Variants in PTBP1 observed in about 807,000 individuals in gnomAD.
PTBP1 encodes polypyrimidine tract binding protein 1.
PTBP1 carries 8 observed loss-of-function variants against 59.8 expected under a neutral mutation model. The observed-to-expected ratio is 0.13, with a 90% CI of 0.08 to 0.24. The LOEUF (loss-of-function observed/expected upper bound fraction) is 0.24, where lower values mean the gene tolerates loss of function less well. PTBP1 is among the 10% of genes least tolerant of loss of function. The probability of loss-of-function intolerance (pLI) is 1.00; values close to 1 mark genes in which losing one functional copy is unlikely to be tolerated. For synonymous variants in PTBP1, 490 were observed against 320.7 expected, an observed-to-expected ratio of 1.53 and a Z score of -5.64; for missense variants, 686 against 767.0, an observed-to-expected ratio of 0.89 and a Z score of 1.25.
At position 806,555 on chromosome 19, in the gene PTBP1, A is replaced by C; in HGVS notation, c.1118A>C (p.Glu373Ala). The C allele has an allele frequency of 6.6e-7, 1 of 1,511,434 alleles. No homozygotes were observed. The allele number at this position is 1,511,434 out of a possible 1,614,324, so 93.6% of individuals were successfully genotyped here. A position where few individuals can be genotyped will look rare whatever the true frequency, so the allele number is the denominator to read the frequency against. Residue 373 changes from glutamate to alanine, a missense_variant and splice_region_variant, in exon 10 of 15, where the codon GAG becomes GCG. Transcript: ENST00000356948. ...TTGCTGGTCAGCAACCTCAACCCAGAGGTACGTGGGCTTTTCCTCCGCGCC... is the reference window on the plus strand; with the variant it reads ...TTGCTGGTCAGCAACCTCAACCCAGCGGTACGTGGGCTTTTCCTCCGCGCC... ...SVLLVSNLNP[E>A]RVTPQSLFIL... is the part of the protein sequence containing the mutation.
At chr19:806,264 A>AC (rs2034568446) in intron 9 of PTBP1, 144 bp from the exon 10 acceptor site, 1 of 947,502 alleles carries the variant, frequency 1.1e-6, no homozygotes, top group Admixed American at 3.9e-5. Context: ...GGACGACCCC[A>AC]CAGGCACCCA....
At position 797,465 on chromosome 19, in the gene PTBP1, C is replaced by T; in HGVS notation, c.-33C>T. 1.9e-6 allele frequency: 3 copies of T among 1,598,220 alleles called. No homozygotes were observed. Among genetic ancestry groups the T allele is most frequent in the Non-Finnish European group, 2.6e-6 (3 of 1,175,176 alleles). ...TCGGTTCCTGCTATTCCGGCGCCTC[C>T]ACTCCGTCCCCCGCGGGTCTGCTCT... On this transcript the variant is annotated 5_prime_UTR_variant, in exon 1 of 15. Transcript: ENST00000356948.
At position 808,298 on chromosome 19, in the gene PTBP1, T is replaced by C. The variant is rs1162815373; in HGVS notation, c.1154-62T>C. 7.2e-7 allele frequency: 1 copy of C among 1,380,880 alleles called. No homozygotes were observed. The highest frequency in any genetic ancestry group is 1.0e-6 in the Non-Finnish European group (1 of 993,890). The allele number at this position is 1,380,880 out of a possible 1,614,324, so 85.5% of individuals were successfully genotyped here. On this transcript the variant is annotated intron_variant, in intron 11 of 14. Coordinates refer to ENST00000356948, the MANE Select transcript of PTBP1 (RefSeq NM_002819.5). This position sits in a 1 kb window ranked among gnomAD's most constrained non-coding sequence, Gnocchi z 4.7. The stretch of plus-strand genomic sequence containing the variant: ...TTGTGGGGGTGCGCGGGGCCGGGGC[T>C]GACGGGGAGATGGGCGGGGCAGGCA...
Position 808,629 on chromosome 19 carries a change from C to T in PTBP1, c.1330C>T (p.Arg444Cys), listed in dbSNP as rs766285321. The T allele has an allele frequency of 2.5e-6, 4 of 1,610,982 alleles. No individual in the cohort carries two copies. Among genetic ancestry groups the T allele is most frequent in the African/African-American group, 1.3e-5 (1 of 74,952 alleles). Residue 444 changes from arginine to cysteine, a missense_variant, in exon 13 of 15, where the codon CGC (arginine) becomes TGC (cysteine). Physicochemically the swap from Arg to Cys is radical, Grantham distance 180. Transcript: ENST00000356948. This position sits in a 1 kb window ranked among gnomAD's most constrained non-coding sequence, Gnocchi z 4.7. ...GAAGCACCAGAACGTGCAGCTGCCC[C>T]GCGAGGGCCAGGAGGACCAGGGCCT... ...LSKHQNVQLP[R>C]EGQEDQGLTK...
chr19:808,462 C>CGGGGCGGCCCCGGGGTGGAGGGGGCA lies in PTBP1; in HGVS notation c.1246+18_1246+43dup. 1.9e-6 allele frequency: 3 copies of CGGGGCGGCCCCGGGGTGGAGGGGGCA among 1,582,872 alleles called. No homozygotes were observed. The highest frequency in any genetic ancestry group is 2.6e-6 in the Non-Finnish European group (3 of 1,164,048). On this transcript the variant is annotated intron_variant, in intron 12 of 14. Transcript: ENST00000356948. This position sits in a 1 kb window ranked among gnomAD's most constrained non-coding sequence, Gnocchi z 4.7. ...AACCAGGCCCAGCTGGGTAAGAGGC[C>CGGGGCGGCCCCGGGGTGGAGGGGGCA]GGGGCGGCCCCGGGGTGGAGGGGGC...
rs1371164578 is a variant in PTBP1, at chr19:811,957, G to A, written c.*1131G>A. The A allele has an allele frequency of 6.6e-6, 1 of 152,346 alleles. No homozygotes were observed. The highest frequency in any genetic ancestry group is 2.4e-5 in the African/African-American group (1 of 41,422). The allele number at this position is 152,346 out of a possible 1,614,324, so 9.4% of individuals were successfully genotyped here. ...TCTGTGCTCTTTCTACCGCCCCCGCGTCCTGTCCCGGGGGCTCTCCTAGGA... is the reference window on the plus strand; with the variant it reads ...TCTGTGCTCTTTCTACCGCCCCCGCATCCTGTCCCGGGGGCTCTCCTAGGA... On this transcript the variant is annotated 3_prime_UTR_variant, in exon 15 of 15. Transcript: ENST00000356948.
Position 805,497 on chromosome 19 carries a change from C to T in PTBP1, c.898C>T (p.Pro300Ser), listed in dbSNP as rs2034524983. 6.2e-7 allele frequency: 1 copy of T among 1,613,178 alleles called. No individual in the cohort carries two copies. Among genetic ancestry groups the T allele is most frequent in the South Asian group, 1.1e-5 (1 of 91,070 alleles). Reference protein sequence around the residue: ...DQTMAAAFGAPGIISASPYAG... With the variant: ...DQTMAAAFGASGIISASPYAG... ...AGTGTCTCATTTATTTCTAGGTGCA[C>T]CTGGTATAATCTCAGCCTCTCCGTA... The change falls in exon 9 of 15, where the codon CCT becomes TCT. Residue 300 changes from proline to serine, a missense_variant. By Grantham distance (74) the Pro-to-Ser change is moderately conservative. Coordinates refer to ENST00000356948, the MANE Select transcript of PTBP1 (RefSeq NM_002819.5).
At chr19:805,352 GCCC>G in intron 8 of PTBP1, 137 bp from the exon 9 acceptor site, 1 of 1,185,872 alleles carries the variant, frequency 8.4e-7, no homozygotes, top group South Asian at 1.4e-5. Flanking sequence ...CGGGACCACG[GCCC>G]CCCCTGGAGC....
chr19:806,593 G>A lies in PTBP1; in HGVS notation c.1119+37G>A, dbSNP rs372172032. ...TTTCCTCCGCGCCGCCGTTCCTCCC[G>A]GAAGAGCGAGCAGGGGATGTTGTGC... On this transcript the variant is annotated intron_variant, in intron 10 of 14. Transcript: ENST00000356948. 1.1e-5 allele frequency: 16 copies of A among 1,464,222 alleles called. No individual in the cohort carries two copies. In the African/African-American group the frequency reaches 1.2e-4, roughly 11 times the overall value. 90.7% of individuals were successfully genotyped at this position (1,464,222 alleles called of 1,614,324 possible). A position where few individuals can be genotyped will look rare whatever the true frequency, so the allele number is the denominator to read the frequency against.
chr19:804,337 AACTACT>A lies in PTBP1; in HGVS notation c.337_342del (p.Tyr113_Tyr114del). The A allele has an allele frequency of 6.2e-7, 1 of 1,613,700 alleles. No homozygotes were observed. Among genetic ancestry groups the A allele is most frequent in the Non-Finnish European group, 8.5e-7 (1 of 1,179,992 alleles). On this transcript the variant is annotated inframe_deletion, in exon 5 of 15. Transcript: ENST00000356948. ...GGAGGAGGCTGCCAACACCATGGTG[AACTACT>A]ACACCTCGGTGACCCCTGTGCTGCG...
In PTBP1 at chr19:812,090, T is replaced by A. The variant is rs577486380; in HGVS notation, c.*1264T>A. ...GCGGTTTTTTATGGTGACACAAATG[T>A]ATATTTTGCTAACAGCAATTCCAGG... On this transcript the variant is annotated 3_prime_UTR_variant, in exon 15 of 15. Transcript: ENST00000356948. 1 of 152,318 alleles carries A rather than the reference T, an allele frequency of 6.6e-6. No individual in the cohort carries two copies. Among genetic ancestry groups the A allele is most frequent in the Non-Finnish European group, 1.5e-5 (1 of 68,018 alleles). The allele number at this position is 152,318 out of a possible 1,614,324, so 9.4% of individuals were successfully genotyped here.
intron 9 of PTBP1, 100 bp downstream of exon 9, chr19:805,669 C>T: frequency 9.8e-7 from 1 of 1,025,148 alleles, no homozygotes; most frequent in Non-Finnish European, 1.5e-6. Flanking sequence ...GGACTGGGCA[C>T]TCGAGTGCCA....
chr19:804,938 T>G lies in PTBP1; in HGVS notation c.716T>G (p.Leu239Arg). Residue 239 changes from leucine to arginine, a missense_variant and splice_region_variant, in exon 7 of 15, where the codon CTG becomes CGG. Leu to Arg is a moderately radical substitution (Grantham distance 102). Transcript: ENST00000356948. ...ADPVSAQHAK[L>R]SLDGQNIYNA... ...CCCGTGAGCGCCCAGCACGCCAAGCTGGTGAGTGGGGCTCCCGGGACGGCG... is the reference window on the plus strand; with the variant it reads ...CCCGTGAGCGCCCAGCACGCCAAGCGGGTGAGTGGGGCTCCCGGGACGGCG... 6 of 1,613,568 alleles carry G rather than the reference T, an allele frequency of 3.7e-6. No homozygotes were observed. Among genetic ancestry groups the G allele is most frequent in the Non-Finnish European group, 5.1e-6 (6 of 1,179,696 alleles).
chr19:808,070 G>C lies in PTBP1; in HGVS notation c.1153+168G>C, dbSNP rs928346548. On this transcript the variant is annotated intron_variant, in intron 11 of 14. Transcript: ENST00000356948. The surrounding 1 kb of genome is among the most constrained non-coding windows in gnomAD (Gnocchi z 4.7). ...GAATTTTATTTGGTCCCGTAGATAC[G>C]TACGCATGGTTTATCGCCCTGCATG... The C allele has an allele frequency of 1.7e-5, 12 of 691,400 alleles. No individual in the cohort carries two copies. The Admixed American group carries it at 2.8e-4, about 16-fold the overall frequency. The allele number at this position is 691,400 out of a possible 1,614,324, so 42.8% of individuals were successfully genotyped here.
chr19:798,010 G>C (rs993950600), intron 1 of PTBP1, among the ~76,000 whole-genome samples: 1 of 150,772 alleles, frequency 6.6e-6, no homozygotes, highest in Non-Finnish European at 1.5e-5. Context: ...AGCCCCGGAA[G>C]CGCAGGCGGG....
At chr19:803,990 G>A in intron 3 of PTBP1, 46 bp from the exon 4 acceptor site, 1 of 1,609,706 alleles carries the variant, frequency 6.2e-7, no homozygotes, top group African/African-American at 1.3e-5. Context: ...TTCCTCTGTG[G>A]GCTCCTGCGA....
At chr19:805,407 G>GC in intron 8 of PTBP1, 85 bp from the exon 9 acceptor site, 1 of 1,392,492 alleles carries the variant, frequency 7.2e-7, no homozygotes, top group Non-Finnish European at 1.0e-6. Flanking sequence ...CCGCCCGCCG[G>GC]CCGGGTTGGG....
intron 2 of PTBP1, among the ~76,000 whole-genome samples, chr19:800,802 C>A (rs117084592): frequency 6.6e-6 from 1 of 152,188 alleles, no homozygotes; most frequent in African/African-American, 2.4e-5. Context: ...CTTCTGTGGG[C>A]CTGCTTTCCA....
Position 806,459 on chromosome 19 carries a change from C to T in PTBP1, c.1022C>T (p.Ser341Leu), listed in dbSNP as rs375905582. 3.1e-6 allele frequency: 5 copies of T among 1,595,114 alleles called. No homozygotes were observed. Among genetic ancestry groups the T allele is most frequent in the Admixed American group, 1.7e-5 (1 of 58,024 alleles). ...HGALAPLAIPSAAAAAAAAGR... is the reference protein window; with the variant it reads ...HGALAPLAIPLAAAAAAAAGR... ...GCCCTGGCCCCCCTGGCCATCCCCT[C>T]GGCGGCGGCGGCAGCTGCGGCGGCA... Residue 341 changes from serine to leucine, a missense_variant, in exon 10 of 15, where the codon TCG (serine) becomes TTG (leucine). Physicochemically the swap from Ser to Leu is moderately radical, Grantham distance 145 (BLOSUM62 -2). Coordinates refer to ENST00000356948, the MANE Select transcript of PTBP1 (RefSeq NM_002819.5).
Sources: gnomAD v4.1 joint callset for allele counts (sites outside exome capture counted in the v4.1 genomes callset) on GRCh38, gnomAD v4.1.1 for gene constraint, Gnocchi (gnomAD v3.1) non-coding constraint, MANE v1.5 for transcripts, NCBI Gene and HGNC (gene_info 2026-07-23, HGNC 2026-07-21) for gene names.